Variants in KCNQ1 observed in about 807,000 individuals in gnomAD.
KCNQ1 encodes the protein potassium voltage-gated channel subfamily KQT member 1.
KCNQ1 carries 49 observed loss-of-function variants against 72.4 expected under a neutral mutation model. The observed-to-expected ratio is 0.68, with a 90% CI of 0.54 to 0.86. The LOEUF (loss-of-function observed/expected upper bound fraction) is 0.86, where lower values mean the gene tolerates loss of function less well. Ranked by LOEUF, KCNQ1 falls within the 40% of genes least tolerant of loss-of-function variation. The pLI is 0.00. For missense variants in KCNQ1, 790 were observed against 945.1 expected, an observed-to-expected ratio of 0.84 and a Z score of 2.15; for synonymous variants, 450 against 412.6, an observed-to-expected ratio of 1.09 and a Z score of -1.10.
In KCNQ1 at chr11:2,516,953, C is replaced by T. The variant is rs1438000580; in HGVS notation, c.387-10975C>T. On this transcript the variant is annotated intron_variant, in intron 1 of 15. Transcript: ENST00000155840. The surrounding 1 kb of genome is among the most constrained non-coding windows in gnomAD (Gnocchi z 7.0). ...GCCCGAGGGTCCCCCAGCACCTGTC[C>T]CTCTAGGGCCTCTGAAGGGCTTTGA... Among the ~76,000 whole-genome samples, 1 of 152,144 alleles carries T rather than the reference C, an allele frequency of 6.6e-6. No individual in the cohort carries two copies. Among genetic ancestry groups the T allele is most frequent in the African/African-American group, 2.4e-5 (1 of 41,428 alleles).
chr11:2,500,055 A>G (rs1391493069), intron 1 of KCNQ1, among the ~76,000 whole-genome samples: 1 of 152,238 alleles, frequency 6.6e-6, no homozygotes, highest in Non-Finnish European at 1.5e-5. Flanking sequence ...TAATTAAACA[A>G]TATGCTCCTG....
rs956813874 is a variant in KCNQ1, at chr11:2,690,779, G to C, written c.1514+28698G>C. On this transcript the variant is annotated intron_variant, in intron 11 of 15. Transcript: ENST00000155840. This position sits in a 1 kb window ranked among gnomAD's most constrained non-coding sequence, Gnocchi z 5.1. Reference sequence around the variant, plus strand: ...TTAGGTGGATGTGGCCTGGCAGGGGGTCAGCAGGAGGGAGGTCCCTGTCTC... The same window carrying C: ...TTAGGTGGATGTGGCCTGGCAGGGGCTCAGCAGGAGGGAGGTCCCTGTCTC... The C allele has an allele frequency of 1.0e-5, 4 of 398,568 alleles. No homozygotes were observed. Among genetic ancestry groups the C allele is most frequent in the Non-Finnish European group, 1.8e-5 (4 of 226,102 alleles). The allele number at this position is 398,568 out of a possible 1,614,324, so 24.7% of individuals were successfully genotyped here.
chr11:2,838,689 C>T (rs1173319250), intron 15 of KCNQ1, among the ~76,000 whole-genome samples: 1 of 152,090 alleles, frequency 6.6e-6, no homozygotes, highest in Admixed American at 6.5e-5. Context: ...AGACCTGGAG[C>T]AATGACACGA....
At chr11:2,737,752 G>A (rs1202182866) in intron 11 of KCNQ1, among the ~76,000 whole-genome samples, 3 of 152,300 alleles carry the variant, frequency 2.0e-5, no homozygotes, top group Non-Finnish European at 2.9e-5. Context: ...TTAATGCCAT[G>A]TCCACCTCGC....
intron 1 of KCNQ1, among the ~76,000 whole-genome samples, chr11:2,474,081 C>T (rs761589436): frequency 2.0e-5 from 3 of 152,124 alleles, no homozygotes; most frequent in African/African-American, 2.4e-5. Context: ...CACACATCAC[C>T]CAGTGTGGAG....
chr11:2,708,567 G>A (rs1850950850), intron 11 of KCNQ1, among the ~76,000 whole-genome samples: 1 of 152,154 alleles, frequency 6.6e-6, no homozygotes, highest in African/African-American at 2.4e-5. Flanking sequence ...GACCCCTGGG[G>A]TGCACAGGGT....
intron 2 of KCNQ1, among the ~76,000 whole-genome samples, chr11:2,534,009 G>A (rs1300044946): frequency 2.0e-5 from 3 of 152,098 alleles, no homozygotes; most frequent in Admixed American, 1.3e-4. Flanking sequence ...GGCTCCCTCC[G>A]CCCCGCCCGG....
chr11:2,679,090 GC>G lies in KCNQ1; in HGVS notation c.1514+17010del. 2.5e-6 allele frequency: 1 copy of G among 398,624 alleles called. No individual in the cohort carries two copies. 24.7% of individuals were successfully genotyped at this position (398,624 alleles called of 1,614,324 possible). A position where few individuals can be genotyped will look rare whatever the true frequency, so the allele number is the denominator to read the frequency against. On this transcript the variant is annotated intron_variant, in intron 11 of 15. Coordinates refer to ENST00000155840, the MANE Select transcript of KCNQ1 (RefSeq NM_000218.3). The surrounding 1 kb of genome is among the most constrained non-coding windows in gnomAD (Gnocchi z 4.8). ...CCCACTAACACCATAAAGTGTCATAGCTAGAGCTAGAGTGCTGTTATAAGCT... is the reference window on the plus strand; with the variant it reads ...CCCACTAACACCATAAAGTGTCATAGTAGAGCTAGAGTGCTGTTATAAGCT...
intron 2 of KCNQ1, among the ~76,000 whole-genome samples, chr11:2,556,170 C>A (rs985324311): frequency 6.6e-6 from 1 of 152,202 alleles, no homozygotes; most frequent in African/African-American, 2.4e-5. Context: ...CAGCGCCCCC[C>A]GGCCGGCAAG....
chr11:2,542,246 A>G (rs888922738), intron 2 of KCNQ1, among the ~76,000 whole-genome samples: 1 of 152,240 alleles, frequency 6.6e-6, no homozygotes, highest in Admixed American at 6.5e-5. Flanking sequence ...GAAGGTTCTC[A>G]GTCCAGAGCC....
At chr11:2,675,979 C>T (rs1340442169) in intron 11 of KCNQ1, 1 of 398,664 alleles carries the variant, frequency 2.5e-6, no homozygotes. Flanking sequence ...AAAAATAACA[C>T]TCTCCCCACC....
rs1849227709 is a variant in KCNQ1, at chr11:2,624,351, C to T, written c.1393+35497C>T. 1 of 398,274 alleles carries T rather than the reference C, an allele frequency of 2.5e-6. No individual in the cohort carries two copies. The highest frequency in any genetic ancestry group is 4.4e-6 in the Non-Finnish European group (1 of 226,008). 24.7% of individuals were successfully genotyped at this position (398,274 alleles called of 1,614,324 possible). A position where few individuals can be genotyped will look rare whatever the true frequency, so the allele number is the denominator to read the frequency against. On this transcript the variant is annotated intron_variant, in intron 10 of 15. Transcript: ENST00000155840. The surrounding 1 kb of genome is among the most constrained non-coding windows in gnomAD (Gnocchi z 4.9). The stretch of plus-strand genomic sequence containing the variant: ...CAGGTATATCTTTTACAAGTATTGT[C>T]TCCCTTCTGTGGCCTGTCCTTTCAT...
intron 10 of KCNQ1, chr11:2,618,976 G>A (rs1162373549): frequency 5.0e-6 from 2 of 398,042 alleles, no homozygotes; most frequent in African/African-American, 4.1e-5. Flanking sequence ...TTTTTGGCCA[G>A]GTCATTATTT....
intron 1 of KCNQ1, among the ~76,000 whole-genome samples, chr11:2,472,161 G>A (rs1190159633): frequency 6.6e-6 from 1 of 151,248 alleles, no homozygotes; most frequent in Non-Finnish European, 1.5e-5. Flanking sequence ...ATGTATGGGT[G>A]TGTGTGCACC....
intron 10 of KCNQ1, chr11:2,629,429 C>A (rs1483377074): frequency 2.5e-6 from 1 of 398,140 alleles, no homozygotes; most frequent in Non-Finnish European, 4.4e-6. Flanking sequence ...CAGTTTTTGC[C>A]CCATGTTTTC....
At chr11:2,716,311 G>A (rs1175866887) in intron 11 of KCNQ1, among the ~76,000 whole-genome samples, 2 of 152,160 alleles carry the variant, frequency 1.3e-5, no homozygotes, top group Non-Finnish European at 2.9e-5. Flanking sequence ...TGCATCAGAT[G>A]TGCTGCGGCT....
chr11:2,572,804 C>G lies in KCNQ1; in HGVS notation c.781-42C>G, dbSNP rs762546942. ...GGCGTCTGCACAGGAGGCTCCCAGC[C>G]TGCGGTTCCTGGAGCCCGACACTGT... On this transcript the variant is annotated intron_variant, in intron 5 of 15. Coordinates refer to ENST00000155840, the MANE Select transcript of KCNQ1 (RefSeq NM_000218.3). The G allele has an allele frequency of 9.3e-6, 15 of 1,612,708 alleles. No individual in the cohort carries two copies. In the African/African-American group the frequency reaches 1.6e-4, roughly 17 times the overall value.
rs1308643493 is a variant in KCNQ1, at chr11:2,622,692, C to T, written c.1393+33838C>T. The T allele has an allele frequency of 1.5e-5, 6 of 398,380 alleles. No individual in the cohort carries two copies. In the East Asian group the frequency reaches 2.1e-4, roughly 14 times the overall value. 24.7% of individuals were successfully genotyped at this position (398,380 alleles called of 1,614,324 possible). ...CCATTATGATTCTCTATTCGATTGT[C>T]TGTATGTGTGTATGTGTATTTTAAA... On this transcript the variant is annotated intron_variant, in intron 10 of 15. Transcript: ENST00000155840.
chr11:2,799,016 C>T (rs1038016416), intron 15 of KCNQ1, among the ~76,000 whole-genome samples: 3 of 152,228 alleles, frequency 2.0e-5, no homozygotes, highest in South Asian at 2.1e-4. Context: ...GGTGGTCAGG[C>T]GGCACTTACC....
Sources: allele counts gnomAD v4.1 joint callset (sites outside exome capture counted in the v4.1 genomes callset), GRCh38; gene constraint gnomAD v4.1.1; non-coding constraint Gnocchi (gnomAD v3.1); transcripts MANE v1.5; gene names NCBI Gene and HGNC (gene_info 2026-07-23, HGNC 2026-07-21).